The following ZDHHC13 variants were observed in gnomAD, a reference collection of about 807,000 sequenced individuals.
ZDHHC13 encodes palmitoyltransferase ZDHHC13.
A neutral mutation model predicts 86.0 loss-of-function variants in ZDHHC13; 85 were observed. The ratio of observed to expected loss-of-function variants is 0.99; its 90% CI spans 0.83 to 1.18. ZDHHC13 has a LOEUF of 1.18. Among genes scored for constraint, ZDHHC13 ranks in the 50% most tolerant of loss-of-function variants. The pLI is 0.00. For missense variants in ZDHHC13, 711 were observed against 730.2 expected (o/e 0.97, Z 0.30); for synonymous variants, 263 against 246.4 (o/e 1.07, Z -0.63).
intron 1 of ZDHHC13, among the ~76,000 whole-genome samples, chr11:19,119,095 G>C (rs1848706260): frequency 6.6e-6 from 1 of 152,158 alleles, no homozygotes; most frequent in Non-Finnish European, 1.5e-5. Flanking sequence ...CAGGTCTGCA[G>C]TTTCCTTTCT....
intron 5 of ZDHHC13, among the ~76,000 whole-genome samples, chr11:19,149,942 C>A (rs1457949112): frequency 2.6e-5 from 4 of 152,156 alleles, no homozygotes; most frequent in Admixed American, 2.6e-4. Context: ...TGATTGTGCT[C>A]CCTTTAAATA....
intron 13 of ZDHHC13, among the ~76,000 whole-genome samples, chr11:19,165,964 A>G (rs1377683695): frequency 6.6e-6 from 1 of 152,216 alleles, no homozygotes; most frequent in Non-Finnish European, 1.5e-5. Context: ...AGAAAGAGAC[A>G]GGGTATGATT....
intron 9 of ZDHHC13, among the ~76,000 whole-genome samples, chr11:19,156,938 T>A (rs1302340841): frequency 6.6e-6 from 1 of 152,254 alleles, no homozygotes; most frequent in African/African-American, 2.4e-5. Context: ...TCCTTGCCTA[T>A]GGGGTATGAT....
chr11:19,158,012 T>C (rs1565036889), intron 9 of ZDHHC13, among the ~76,000 whole-genome samples: 1 of 152,190 alleles, frequency 6.6e-6, no homozygotes, highest in African/African-American at 2.4e-5. Flanking sequence ...CATTACCTAA[T>C]TGGTCAAATG....
chr11:19,123,322 T>C (rs1319863828), intron 1 of ZDHHC13, among the ~76,000 whole-genome samples: 1 of 151,990 alleles, frequency 6.6e-6, no homozygotes, highest in Non-Finnish European at 1.5e-5. Flanking sequence ...TGATGAAAAA[T>C]CTGTGTATAA....
At chr11:19,138,591 C>T (rs1204021521) in intron 1 of ZDHHC13, among the ~76,000 whole-genome samples, 3 of 151,918 alleles carry the variant, frequency 2.0e-5, no homozygotes, top group Non-Finnish European at 2.9e-5. Flanking sequence ...GATACCAAAG[C>T]CGGGCAGAGA....
chr11:19,138,576 A>G (rs2133389529), intron 1 of ZDHHC13, among the ~76,000 whole-genome samples: 1 of 152,078 alleles, frequency 6.6e-6, no homozygotes, highest in South Asian at 2.1e-4. Flanking sequence ...GGCCAGCATC[A>G]TCCTGATACC....
At position 19,165,082 on chromosome 11, in the gene ZDHHC13, C is replaced by T. The variant is rs780619027; in HGVS notation, c.1327C>T (p.His443Tyr). 2 of 1,612,952 alleles carry T rather than the reference C, an allele frequency of 1.2e-6. No homozygotes were observed. Among genetic ancestry groups the T allele is most frequent in the Admixed American group, 3.3e-5 (2 of 59,856 alleles). ...GAAGCCATTAAGGTCACTCCACTGC[C>T]ATGTATGCAACTGCTGTGTGGCTCG... is the stretch of plus-strand genomic sequence containing the variant. ...IRKPLRSLHC[H>Y]VCNCCVARYD... The change falls in exon 13 of 17, where the codon CAT (histidine) becomes TAT (tyrosine). Residue 443 changes from histidine to tyrosine, a missense_variant. Transcript: ENST00000446113.
intron 1 of ZDHHC13, among the ~76,000 whole-genome samples, chr11:19,139,436 C>T (rs1478084438): frequency 1.4e-5 from 2 of 143,074 alleles, no homozygotes; most frequent in Non-Finnish European, 1.5e-5. Context: ...AATGGAAGAA[C>T]ATTCCATGCT....
At chr11:19,130,439 C>T (rs1848971044) in intron 1 of ZDHHC13, among the ~76,000 whole-genome samples, 1 of 151,876 alleles carries the variant, frequency 6.6e-6, no homozygotes, top group Non-Finnish European at 1.5e-5. Flanking sequence ...GATACTTTTT[C>T]ATTTTTCTTG....
In ZDHHC13 at chr11:19,164,882, A is replaced by T. The variant is rs898983490; in HGVS notation, c.1297-170A>T. 2.2e-5 allele frequency: 13 copies of T among 601,084 alleles called. No homozygotes were observed. In the African/African-American group the frequency reaches 2.4e-4, roughly 11 times the overall value. 37.2% of individuals were successfully genotyped at this position (601,084 alleles called of 1,614,324 possible). On this transcript the variant is annotated intron_variant, in intron 12 of 16. Transcript: ENST00000446113. ...CTTAGTGATGTCCTAATCAAAGTAG[A>T]CATATGGAAGTAAATACTAATAAGG...
At chr11:19,165,179 A>G in intron 13 of ZDHHC13, 34 bp downstream of exon 13, 3 of 1,579,094 alleles carry the variant, frequency 1.9e-6, no homozygotes, top group South Asian at 2.3e-5. Flanking sequence ...ACTACTGTGA[A>G]GTTAAGCATA....
intron 14 of ZDHHC13, chr11:19,169,461 C>G: frequency 2.0e-6 from 2 of 985,456 alleles, no homozygotes; most frequent in Non-Finnish European, 2.4e-6. Context: ...GGACAGTTGA[C>G]AGGAAAGTCA....
At chr11:19,156,046 A>G in intron 9 of ZDHHC13, 117 bp downstream of exon 9, 2 of 1,263,452 alleles carry the variant, frequency 1.6e-6, no homozygotes, top group Non-Finnish European at 1.0e-6. Flanking sequence ...TACTTACCAT[A>G]TAACAGCATC....
intron 1 of ZDHHC13, among the ~76,000 whole-genome samples, chr11:19,132,910 T>C (rs1422767710): frequency 6.6e-6 from 1 of 152,148 alleles, no homozygotes; most frequent in Non-Finnish European, 1.5e-5. Context: ...ATCCTACTTA[T>C]CCCATCATGC....
At chr11:19,150,452 A>G (rs1849577993) in intron 5 of ZDHHC13, among the ~76,000 whole-genome samples, 1 of 152,088 alleles carries the variant, frequency 6.6e-6, no homozygotes, top group African/African-American at 2.4e-5. Flanking sequence ...ATTTGATGGT[A>G]GCTATCAACA....
rs186277120 is a variant in ZDHHC13, at chr11:19,129,011, G to A, written c.27+11735G>A. Reference sequence around the variant, plus strand: ...CAAGAATGAAATAGCCTAATGATATGTTTCTCAGAATATATCCTCATTGTT... The same window carrying A: ...CAAGAATGAAATAGCCTAATGATATATTTCTCAGAATATATCCTCATTGTT... On this transcript the variant is annotated intron_variant, in intron 1 of 16. Coordinates refer to ENST00000446113, the MANE Select transcript of ZDHHC13 (RefSeq NM_019028.3). 3.9e-5 allele frequency among the ~76,000 whole-genome samples: 6 copies of A among 152,264 alleles called. No homozygotes were observed. In the East Asian group the frequency reaches 9.6e-4, roughly 24 times the overall value.
At chr11:19,169,312 G>A in intron 14 of ZDHHC13, 1 of 985,440 alleles carries the variant, frequency 1.0e-6, no homozygotes, top group Admixed American at 6.1e-5. Context: ...TCTAGAGAGA[G>A]TGTAATTTGC....
At chr11:19,170,069 A>G in intron 14 of ZDHHC13, 1 of 1,072,860 alleles carries the variant, frequency 9.3e-7, no homozygotes, top group Non-Finnish European at 1.1e-6. Context: ...TGCTATAAAC[A>G]TGAATAAGGT....
Sources: allele counts gnomAD v4.1 joint callset (sites outside exome capture counted in the v4.1 genomes callset), GRCh38; gene constraint gnomAD v4.1.1; transcripts MANE v1.5; gene names NCBI Gene and HGNC (gene_info 2026-07-23, HGNC 2026-07-21).